ZBTB7C: variants seen among roughly 807,000 people sequenced by gnomAD.
The protein encoded by ZBTB7C is zinc finger and BTB domain containing 7C, also known as zinc finger and BTB domain-containing protein 7C.
ZBTB7C carries 8 observed loss-of-function variants against 25.7 expected under a neutral mutation model. The ratio of observed to expected loss-of-function variants is 0.31; its 90% CI spans 0.18 to 0.56. The LOEUF is 0.56. Ranked by LOEUF, ZBTB7C falls within the 20% of genes least tolerant of loss-of-function variation. The pLI, the probability that ZBTB7C is intolerant of heterozygous loss-of-function variation, is 0.91. For synonymous variants in ZBTB7C, 394 were observed against 369.0 expected (o/e 1.07, Z -0.78); for missense variants, 824 against 855.2 (o/e 0.96, Z 0.46).
intron 3 of ZBTB7C, among the ~76,000 whole-genome samples, chr18:48,156,253 C>T (rs565286839): frequency 1.9e-4 from 29 of 152,338 alleles, no homozygotes; most frequent in African/African-American, 7.0e-4. Context: ...GACCTGCCCA[C>T]GTGACACGGC....
intron 2 of ZBTB7C, among the ~76,000 whole-genome samples, chr18:48,293,539 T>G (rs2045297535): frequency 6.6e-6 from 1 of 152,148 alleles, no homozygotes; most frequent in South Asian, 2.1e-4. Context: ...TGACACAATT[T>G]AAATCTGGGG....
chr18:48,402,499 A>G (rs1357145439), intron 1 of ZBTB7C, among the ~76,000 whole-genome samples: 1 of 152,166 alleles, frequency 6.6e-6, no homozygotes, highest in Non-Finnish European at 1.5e-5. Flanking sequence ...CACATTCACA[A>G]TGTGTTGGAA....
intron 1 of ZBTB7C, among the ~76,000 whole-genome samples, chr18:48,402,761 G>A (rs2048190034): frequency 6.6e-6 from 1 of 152,020 alleles, no homozygotes; most frequent in Non-Finnish European, 1.5e-5. Flanking sequence ...CATGTTGCTG[G>A]TTCCAGAAAA....
At chr18:48,086,555 C>T (rs999821679) in intron 3 of ZBTB7C, among the ~76,000 whole-genome samples, 6 of 152,234 alleles carry the variant, frequency 3.9e-5, no homozygotes, top group Non-Finnish European at 7.3e-5. Flanking sequence ...CTCTCATCCC[C>T]TCCAGAGTCC....
At chr18:48,245,088 G>GTATATATATATATATATATA (rs1384990097) in intron 2 of ZBTB7C, among the ~76,000 whole-genome samples, 1 of 43,684 alleles carries the variant, frequency 2.3e-5, no homozygotes, top group African/African-American at 7.4e-5. Context: ...TAGTGTGTGT[G>GTATATATATATATATATATA]TGTGTATATA....
intron 3 of ZBTB7C, among the ~76,000 whole-genome samples, chr18:48,153,044 C>T (rs1160876306): frequency 6.6e-6 from 1 of 152,200 alleles, no homozygotes; most frequent in Non-Finnish European, 1.5e-5. Context: ...AAGATATGCC[C>T]TTTGAGAGCA....
intron 3 of ZBTB7C, among the ~76,000 whole-genome samples, chr18:48,161,119 T>C (rs1453593642): frequency 8.8e-6 from 1 of 113,458 alleles, no homozygotes; most frequent in Admixed American, 8.6e-5. Context: ...TGCTTGGGGC[T>C]GGAGGAGGTG....
intron 3 of ZBTB7C, among the ~76,000 whole-genome samples, chr18:48,082,555 G>C (rs1409696516): frequency 6.6e-6 from 1 of 152,108 alleles, no homozygotes. Flanking sequence ...TGGGATGTTT[G>C]CTTGTGTCGA....
intron 2 of ZBTB7C, among the ~76,000 whole-genome samples, chr18:48,210,112 A>G (rs995045645): frequency 1.2e-4 from 18 of 152,230 alleles, no homozygotes; most frequent in Non-Finnish European, 1.5e-4. Context: ...GAAAACCATA[A>G]TAAGATATCA....
At position 48,409,291 on chromosome 18, in the gene ZBTB7C, C is replaced by T. The variant is rs2048353913; in HGVS notation, c.-369G>A. ...TCCGGGACGCAGTCCTGGCGTCCTC[C>T]TTCGCCGCCGGTGTCCGCCGGTCCC... On this transcript the variant is annotated 5_prime_UTR_variant, in exon 1 of 5. Coordinates refer to ENST00000590800, the MANE Select transcript of ZBTB7C (RefSeq NM_001318841.2). 1 of 149,604 alleles carries T rather than the reference C, an allele frequency of 6.7e-6. No homozygotes were observed. The highest frequency in any genetic ancestry group is 6.6e-5 in the Admixed American group (1 of 15,086). The allele number at this position is 149,604 out of a possible 1,614,324, so 9.3% of individuals were successfully genotyped here.
chr18:48,306,640 T>C (rs938016362), intron 2 of ZBTB7C, among the ~76,000 whole-genome samples: 22 of 152,188 alleles, frequency 1.4e-4, no homozygotes, highest in African/African-American at 5.3e-4. Flanking sequence ...TCCAATATGC[T>C]TATCTTCTTA....
chr18:48,243,066 C>A (rs1024598288), intron 2 of ZBTB7C, among the ~76,000 whole-genome samples: 2 of 151,826 alleles, frequency 1.3e-5, no homozygotes, highest in African/African-American at 2.4e-5. Flanking sequence ...AGTTCAAGAC[C>A]AGCCTGGAGA....
At position 48,040,637 on chromosome 18, in the gene ZBTB7C, CTCCTCCTCTTCG is replaced by C. The variant is rs763646960; in HGVS notation, c.459_470del (p.Asp153_Glu156del). 5 of 1,612,828 alleles carry C rather than the reference CTCCTCCTCTTCG, an allele frequency of 3.1e-6. No individual in the cohort carries two copies. Among genetic ancestry groups the C allele is most frequent in the East Asian group, 2.2e-5 (1 of 44,778 alleles). On this transcript the variant is annotated inframe_deletion, in exon 4 of 5. Coordinates refer to ENST00000590800, the MANE Select transcript of ZBTB7C (RefSeq NM_001318841.2). Reference sequence around the variant, plus strand: ...CATCGTCATCCTCCTCCTCTTCCTCCTCCTCCTCTTCGTCCTCCTCATCATCATCATCTTCGT... The same window carrying C: ...CATCGTCATCCTCCTCCTCTTCCTCCTCCTCCTCATCATCATCATCTTCGT...
At chr18:48,262,798 G>A (rs1436544986) in intron 2 of ZBTB7C, among the ~76,000 whole-genome samples, 1 of 152,176 alleles carries the variant, frequency 6.6e-6, no homozygotes, top group Admixed American at 6.5e-5. Flanking sequence ...GGCAGTTTCA[G>A]GCTCCACCAA....
At chr18:48,319,096 C>G (rs1598860723) in intron 2 of ZBTB7C, among the ~76,000 whole-genome samples, 1 of 141,630 alleles carries the variant, frequency 7.1e-6, no homozygotes, top group Non-Finnish European at 1.5e-5. Context: ...TATTCATGAA[C>G]GATGCCAGAA....
intron 1 of ZBTB7C, among the ~76,000 whole-genome samples, chr18:48,344,343 A>T (rs1222495620): frequency 6.6e-6 from 1 of 152,200 alleles, no homozygotes. Flanking sequence ...ATCACCTGGG[A>T]TCTTGTCACA....
chr18:48,095,509 C>T lies in ZBTB7C; in HGVS notation c.-16-54386G>A, dbSNP rs566478186. Among the ~76,000 whole-genome samples the T allele has an allele frequency of 5.3e-5, 8 of 152,122 alleles. No individual in the cohort carries two copies. In the South Asian group the frequency reaches 1.2e-3, roughly 24 times the overall value. On this transcript the variant is annotated intron_variant, in intron 3 of 4. Transcript: ENST00000590800. ...GGTTGATCACCTGAAGTCAGGGGTT[C>T]GAGACCAGCCTGGTCAACATGGTGA...
intron 2 of ZBTB7C, among the ~76,000 whole-genome samples, chr18:48,251,909 T>C (rs1368811932): frequency 2.0e-5 from 3 of 152,186 alleles, no homozygotes; most frequent in African/African-American, 4.8e-5. Context: ...TTTCTCTTTC[T>C]TTTGCCTATT....
intron 2 of ZBTB7C, among the ~76,000 whole-genome samples, chr18:48,274,638 C>A (rs2044592068): frequency 6.6e-6 from 1 of 152,264 alleles, no homozygotes; most frequent in African/African-American, 2.4e-5. Flanking sequence ...CATCCCCTTC[C>A]TCTCCAGCCT....
Sources: gnomAD v4.1 joint callset for allele counts (sites outside exome capture counted in the v4.1 genomes callset) on GRCh38, gnomAD v4.1.1 for gene constraint, MANE v1.5 for transcripts, NCBI Gene and HGNC (gene_info 2026-07-23, HGNC 2026-07-21) for gene names.